PSMA2: variants seen among roughly 807,000 people sequenced by gnomAD.
PSMA2 encodes the protein proteasome 20S subunit alpha 2.
PSMA2 carries 2 observed loss-of-function variants against 35.9 expected under a neutral mutation model. That is an observed-to-expected ratio of 0.06 (90% CI 0.02 to 0.18). PSMA2 has a LOEUF of 0.18. Ranked by LOEUF, PSMA2 falls within the 10% of genes least tolerant of loss-of-function variation. The pLI, the probability that PSMA2 is intolerant of heterozygous loss-of-function variation, is 1.00. For synonymous variants in PSMA2, 97 were observed against 98.2 expected (o/e 0.99, Z 0.07); for missense variants, 126 against 278.8 (o/e 0.45, Z 3.90).
intron 1 of PSMA2, 155 bp from the exon 2 acceptor site, chr7:42,927,614 C>G: frequency 4.3e-6 from 3 of 695,112 alleles, no homozygotes; most frequent in Non-Finnish European, 7.3e-6. Flanking sequence ...GGCACAGAAA[C>G]CAAGTTTACA....
At chr7:42,930,225 G>GCACACA (rs60660330) in intron 1 of PSMA2, among the ~76,000 whole-genome samples, 1 of 150,266 alleles carries the variant, frequency 6.7e-6, no homozygotes, top group African/African-American at 2.5e-5. Flanking sequence ...ACACACACAC[G>GCACACA]CACACACACA....
chr7:42,923,306 T>C lies in PSMA2; in HGVS notation c.456+19A>G, dbSNP rs1010971602. On this transcript the variant is annotated intron_variant, in intron 5 of 7. Coordinates refer to ENST00000223321, the MANE Select transcript of PSMA2 (RefSeq NM_002787.5). ...GAGCACTTTTAACAAATCCCTCAAA[T>C]ACATTAAATGATACTTACAGATGGA... 4 of 1,560,426 alleles carry C rather than the reference T, an allele frequency of 2.6e-6. No homozygotes were observed. The highest frequency in any genetic ancestry group is 1.1e-5 in the South Asian group (1 of 89,222).
chr7:42,921,826 C>T, intron 6 of PSMA2, 32 bp downstream of exon 6: 7 of 1,565,126 alleles, frequency 4.5e-6, no homozygotes, highest in Non-Finnish European at 5.2e-6. Context: ...AGTGAGTTTG[C>T]TAAAGAATGC....
rs191839223 is a variant in PSMA2, at chr7:42,928,980, T to C, written c.42-1521A>G. ...TCTAAGATTCATCATATCTGAATTGTTATTTTTTTTTTTTAGTAACAGGGT... is the reference window on the plus strand; with the variant it reads ...TCTAAGATTCATCATATCTGAATTGCTATTTTTTTTTTTTAGTAACAGGGT... On this transcript the variant is annotated intron_variant, in intron 1 of 7. Coordinates refer to ENST00000223321, the MANE Select transcript of PSMA2 (RefSeq NM_002787.5). 2.8e-4 allele frequency among the ~76,000 whole-genome samples: 42 copies of C among 152,252 alleles called. No homozygotes were observed. The East Asian group carries it at 7.9e-3, about 29-fold the overall frequency.
rs1270663396 is a variant in PSMA2 at position 42,921,942 on chromosome 7, A to C, written c.457-11T>G. ...GGCAAAGTAAGCTCCCTAATCAGGA[A>C]AGAAAGAGTAAAAAACCATATTTTA... On this transcript the variant is annotated splice_polypyrimidine_tract_variant and intron_variant, in intron 5 of 7. Transcript: ENST00000223321. The C allele has an allele frequency of 1.9e-6, 3 of 1,602,498 alleles. No homozygotes were observed.
chr7:42,925,819 C>A (rs1448106737), intron 3 of PSMA2, among the ~76,000 whole-genome samples: 1 of 152,314 alleles, frequency 6.6e-6, no homozygotes, highest in South Asian at 2.1e-4. Context: ...GATTCACTGC[C>A]TGATCACATT....
chr7:42,927,681 G>T (rs1380078796), intron 1 of PSMA2, among the ~76,000 whole-genome samples: 1 of 152,162 alleles, frequency 6.6e-6, no homozygotes, highest in Non-Finnish European at 1.5e-5. Flanking sequence ...CAAGACGGGT[G>T]GATCACCTGA....
intron 5 of PSMA2, 84 bp downstream of exon 5, chr7:42,923,241 G>T: frequency 1.9e-6 from 2 of 1,048,006 alleles, no homozygotes; most frequent in Non-Finnish European, 2.9e-6. Context: ...CTGCTAAATT[G>T]TAAAGTTTTT....
At chr7:42,925,829 T>C (rs911616852) in intron 3 of PSMA2, among the ~76,000 whole-genome samples, 2 of 152,220 alleles carry the variant, frequency 1.3e-5, no homozygotes, top group Non-Finnish European at 2.9e-5. Flanking sequence ...CTGATCACAT[T>C]CCACTGACCT....
rs1376703719 is a variant in PSMA2 at position 42,932,173 on chromosome 7, C to T, written c.-15G>A. ...CGCTCCGCCATCTTTACCCGAAGAG[C>T]CAAAGCACAGCCGCACACATGCGCA... On this transcript the variant is annotated 5_prime_UTR_variant, in exon 1 of 8. Coordinates refer to ENST00000223321, the MANE Select transcript of PSMA2 (RefSeq NM_002787.5). 1.9e-6 allele frequency: 3 copies of T among 1,613,960 alleles called. No homozygotes were observed. Among genetic ancestry groups the T allele is most frequent in the African/African-American group, 2.7e-5 (2 of 74,932 alleles).
intron 6 of PSMA2, chr7:42,919,293 A>G: frequency 3.3e-6 from 2 of 611,370 alleles, no homozygotes; most frequent in Non-Finnish European, 6.4e-6. Flanking sequence ...CAGATTTCAC[A>G]AAGTGTGGGA....
intron 6 of PSMA2, 99 bp from the exon 7 acceptor site, chr7:42,917,934 C>T: frequency 1.2e-6 from 1 of 819,954 alleles, no homozygotes; most frequent in Non-Finnish European, 1.9e-6. Context: ...AAACTCTAAA[C>T]ATCTTAAAAA....
At chr7:42,917,711 A>C (rs774678187) in intron 7 of PSMA2, 21 bp from the exon 8 acceptor site, 1 of 1,612,264 alleles carries the variant, frequency 6.2e-7, no homozygotes, top group South Asian at 1.1e-5. Context: ...GGGAGGAAAA[A>C]AGGTCAATTT....
At chr7:42,930,402 G>A (rs1786283552) in intron 1 of PSMA2, among the ~76,000 whole-genome samples, 2 of 152,012 alleles carry the variant, frequency 1.3e-5, no homozygotes, top group Non-Finnish European at 2.9e-5. Context: ...TTGGATTACA[G>A]GCACATGCCT....
intron 6 of PSMA2, chr7:42,918,610 C>T (rs1270271763): frequency 6.6e-6 from 1 of 152,136 alleles, no homozygotes; most frequent in African/African-American, 2.4e-5. Flanking sequence ...AATCTCGGTG[C>T]CACCTTTTCC....
At chr7:42,926,490 A>G (rs1786218979) in intron 3 of PSMA2, 46 bp downstream of exon 3, 1 of 1,497,342 alleles carries the variant, frequency 6.7e-7, no homozygotes, top group Non-Finnish European at 8.9e-7. Context: ...ACAGATTACA[A>G]TCAATTCATG....
At chr7:42,925,090 G>T (rs1366039320) in intron 3 of PSMA2, among the ~76,000 whole-genome samples, 2 of 146,342 alleles carry the variant, frequency 1.4e-5, no homozygotes, top group Non-Finnish European at 3.0e-5. Context: ...AAGGGCAGCC[G>T]CTTGTCTTTT....
chr7:42,930,663 G>T (rs572866952), intron 1 of PSMA2, among the ~76,000 whole-genome samples: 1 of 151,938 alleles, frequency 6.6e-6, no homozygotes, highest in South Asian at 2.1e-4. Flanking sequence ...CGCGATAAAA[G>T]ACCACATTTG....
At chr7:42,917,866 A>T (rs1786057425) in intron 6 of PSMA2, 31 bp from the exon 7 acceptor site, 1 of 1,452,884 alleles carries the variant, frequency 6.9e-7, no homozygotes, top group South Asian at 1.2e-5. Flanking sequence ...TACTTATATC[A>T]TTGTTTATAT....
Sources: gnomAD v4.1 joint callset for allele counts (sites outside exome capture counted in the v4.1 genomes callset) on GRCh38, gnomAD v4.1.1 for gene constraint, MANE v1.5 for transcripts, NCBI Gene and HGNC (gene_info 2026-07-23, HGNC 2026-07-21) for gene names.